The following KDM4C variants were observed in gnomAD, a reference collection of about 807,000 sequenced individuals.
KDM4C encodes the protein lysine-specific demethylase 4C.
In KDM4C, 81 loss-of-function variants were observed where a neutral mutation model predicts 129.3. The ratio of observed to expected loss-of-function variants is 0.63; its 90% CI spans 0.52 to 0.75. KDM4C has a LOEUF of 0.75. Among genes scored for constraint, KDM4C ranks in the 30% least tolerant of loss-of-function variants. The pLI, the probability that KDM4C is intolerant of heterozygous loss-of-function variation, is 0.00. For missense variants in KDM4C, 1,457 were observed against 1,304.0 expected (o/e 1.12, Z -1.81); for synonymous variants, 573 against 456.1 (o/e 1.26, Z -3.26).
At chr9:7,041,447 T>A (rs908735579) in intron 15 of KDM4C, among the ~76,000 whole-genome samples, 1 of 152,042 alleles carries the variant, frequency 6.6e-6, no homozygotes, top group African/African-American at 2.4e-5. Flanking sequence ...CATTTGTCTC[T>A]ATAGTCATTA....
At chr9:6,941,122 T>C (rs1358599168) in intron 8 of KDM4C, among the ~76,000 whole-genome samples, 2 of 151,876 alleles carry the variant, frequency 1.3e-5, no homozygotes, top group Non-Finnish European at 2.9e-5. Context: ...CCTCTGCCTC[T>C]TGGGTTCAAG....
At chr9:6,867,018 T>TATATA (rs201917763) in intron 5 of KDM4C, among the ~76,000 whole-genome samples, 1 of 33,274 alleles carries the variant, frequency 3.0e-5, no homozygotes, top group African/African-American at 7.3e-5. Context: ...TATATATATA[T>TATATA]TTTTTTTTTT....
chr9:6,980,524 T>G (rs1472358854), intron 8 of KDM4C, among the ~76,000 whole-genome samples: 2 of 152,236 alleles, frequency 1.3e-5, no homozygotes, highest in African/African-American at 4.8e-5. Flanking sequence ...AGTATTCTAA[T>G]CACACATTCA....
chr9:7,093,851 G>A lies in KDM4C; in HGVS notation c.2425-9834G>A, dbSNP rs142923763. On this transcript the variant is annotated intron_variant, in intron 17 of 21. Coordinates refer to ENST00000381309, the MANE Select transcript of KDM4C (RefSeq NM_015061.6). ...TCTGAAGGTAGAGGGGAGGGAAGTT[G>A]AGGAATTTCATTCCCCGTGACTGGT... Among the ~76,000 whole-genome samples, 793 of 152,294 alleles carry A rather than the reference G, an allele frequency of 5.2e-3. 6 individuals are homozygous for A. Among genetic ancestry groups the A allele is most frequent in the African/African-American group, 0.018 (766 of 41,556 alleles).
chr9:6,773,863 A>AT (rs1822429326), intron 1 of KDM4C, among the ~76,000 whole-genome samples: 1 of 151,572 alleles, frequency 6.6e-6, no homozygotes, highest in African/African-American at 2.4e-5. Flanking sequence ...AGTTATTTCC[A>AT]TTTTAAGGGC....
At chr9:6,815,966 G>A (rs904717180) in intron 4 of KDM4C, among the ~76,000 whole-genome samples, 5 of 152,144 alleles carry the variant, frequency 3.3e-5, no homozygotes, top group Non-Finnish European at 5.9e-5. Flanking sequence ...ATATAAGCAT[G>A]TATCTTTTAA....
At chr9:6,728,777 C>T (rs1588034052) in intron 1 of KDM4C, among the ~76,000 whole-genome samples, 2 of 151,918 alleles carry the variant, frequency 1.3e-5, no homozygotes, top group Non-Finnish European at 2.9e-5. Flanking sequence ...ACCCGGGAAG[C>T]AGAGGTTGCA....
intron 1 of KDM4C, among the ~76,000 whole-genome samples, chr9:6,736,705 T>C (rs114596180): frequency 0.011 from 1,619 of 152,218 alleles, 37 homozygotes; most frequent in African/African-American, 0.036. Context: ...CCAAAGCTCC[T>C]AGATCTGAAA....
chr9:6,721,388 AT>A (rs1563907769), intron 1 of KDM4C, among the ~76,000 whole-genome samples: 1 of 147,888 alleles, frequency 6.8e-6, no homozygotes, highest in Non-Finnish European at 1.5e-5. Flanking sequence ...GGTTCAAGCG[AT>A]TCTTGTGCCT....
At chr9:6,949,713 G>T (rs1211697959) in intron 8 of KDM4C, among the ~76,000 whole-genome samples, 1 of 152,138 alleles carries the variant, frequency 6.6e-6, no homozygotes, top group African/African-American at 2.4e-5. Context: ...GTGGCGGCGC[G>T]CGCCTGCAAT....
chr9:7,144,090 C>T (rs912990236), intron 19 of KDM4C, among the ~76,000 whole-genome samples: 10 of 151,864 alleles, frequency 6.6e-5, no homozygotes, highest in Non-Finnish European at 1.2e-4. Flanking sequence ...ATACTCATTA[C>T]TCCTCTTTTT....
chr9:7,014,193 G>A, intron 14 of KDM4C, 192 bp downstream of exon 14: 5 of 552,192 alleles, frequency 9.1e-6, no homozygotes, highest in African/African-American at 1.9e-5. Flanking sequence ...CCACTTTCAT[G>A]TAGTATCCGT....
intron 8 of KDM4C, among the ~76,000 whole-genome samples, chr9:6,968,650 G>A (rs1176420772): frequency 2.0e-5 from 3 of 152,100 alleles, no homozygotes; most frequent in African/African-American, 4.8e-5. Flanking sequence ...TCCAAAGTGA[G>A]GGTTCGTTGA....
At chr9:6,779,370 A>G (rs1823820256) in intron 1 of KDM4C, among the ~76,000 whole-genome samples, 1 of 145,762 alleles carries the variant, frequency 6.9e-6, no homozygotes, top group South Asian at 2.2e-4. Context: ...CAGGGTAAGG[A>G]GAGAGTGGAA....
intron 18 of KDM4C, among the ~76,000 whole-genome samples, chr9:7,112,056 C>T (rs544224604): frequency 6.6e-6 from 1 of 152,076 alleles, no homozygotes; most frequent in Admixed American, 6.5e-5. Flanking sequence ...CTCACATGCG[C>T]CCACATGCAC....
chr9:6,968,862 CTG>C (rs1259214119), intron 8 of KDM4C, among the ~76,000 whole-genome samples: 1 of 152,048 alleles, frequency 6.6e-6, no homozygotes, highest in Non-Finnish European at 1.5e-5. Flanking sequence ...TTACAATAAT[CTG>C]TTTTAGTTTG....
chr9:6,774,720 T>C (rs986105844), intron 1 of KDM4C, among the ~76,000 whole-genome samples: 2 of 152,180 alleles, frequency 1.3e-5, no homozygotes, highest in African/African-American at 4.8e-5. Flanking sequence ...ATATATTACC[T>C]ATATTGATTG....
At chr9:6,875,332 A>G (rs1222160867) in intron 5 of KDM4C, among the ~76,000 whole-genome samples, 2 of 152,158 alleles carry the variant, frequency 1.3e-5, no homozygotes, top group Non-Finnish European at 2.9e-5. Flanking sequence ...TCTGAGTGCC[A>G]GGGTGGACAC....
chr9:6,777,244 A>C (rs1388324497), intron 1 of KDM4C, among the ~76,000 whole-genome samples: 1 of 152,232 alleles, frequency 6.6e-6, no homozygotes, highest in Non-Finnish European at 1.5e-5. Context: ...GGGTGGAAGC[A>C]GACCTTAAGC....
Sources: gnomAD v4.1 joint callset for allele counts (sites outside exome capture counted in the v4.1 genomes callset) on GRCh38, gnomAD v4.1.1 for gene constraint, MANE v1.5 for transcripts, NCBI Gene and HGNC (gene_info 2026-07-23, HGNC 2026-07-21) for gene names.